Variants in NFAM1 observed in about 807,000 individuals in gnomAD.
NFAM1 encodes NFAT activation molecule 1.
Under a neutral mutation model 29.0 loss-of-function variants are expected in NFAM1, and 17 were observed. The observed-to-expected ratio is 0.59, with a 90% CI of 0.40 to 0.88. The LOEUF is 0.88. Ranked by LOEUF, NFAM1 falls within the 40% of genes least tolerant of loss-of-function variation. The pLI is 0.00. For synonymous variants in NFAM1, 175 were observed against 147.2 expected, an observed-to-expected ratio of 1.19 and a Z score of -1.36; for missense variants, 324 against 344.6, an observed-to-expected ratio of 0.94 and a Z score of 0.47.
At chr22:42,398,224 C>T (rs2076089) in intron 3 of NFAM1, among the ~76,000 whole-genome samples, 34,794 of 152,076 alleles carry the variant, frequency 0.23, 4,907 homozygotes, top group African/African-American at 0.37. Flanking sequence ...GGGACCCAAG[C>T]TACTGGGACC....
At chr22:42,387,112 G>C in intron 4 of NFAM1, 34 bp from the exon 5 acceptor site, 2 of 1,271,172 alleles carry the variant, frequency 1.6e-6, no homozygotes, top group Non-Finnish European at 2.2e-6. Context: ...TCAGGGGCAA[G>C]TGTGTAGAGG....
upstream of NFAM1, among the ~76,000 whole-genome samples, chr22:42,434,413 G>A (rs1930891792): frequency 6.6e-6 from 1 of 152,164 alleles, no homozygotes; most frequent in South Asian, 2.1e-4. Context: ...GCAGGCCCTG[G>A]GCTGTGGAGC....
intron 1 of NFAM1, among the ~76,000 whole-genome samples, chr22:42,429,363 C>T (rs1930723166): frequency 6.6e-6 from 1 of 152,172 alleles, no homozygotes; most frequent in South Asian, 2.1e-4. Context: ...CGCCTGTAAT[C>T]CCAGCACTTT....
At chr22:42,391,703 G>A (rs990091050) in intron 4 of NFAM1, among the ~76,000 whole-genome samples, 2 of 152,030 alleles carry the variant, frequency 1.3e-5, no homozygotes, top group Non-Finnish European at 2.9e-5. Context: ...CTAGCACTTT[G>A]GGAGGCTGAG....
chr22:42,425,007 T>A (rs190079467), intron 1 of NFAM1, among the ~76,000 whole-genome samples: 52 of 152,140 alleles, frequency 3.4e-4, no homozygotes, highest in Non-Finnish European at 6.3e-4. Context: ...CAGCAAACTC[T>A]ACCTCCCAGG....
intron 1 of NFAM1, among the ~76,000 whole-genome samples, chr22:42,427,883 GGTGGGGCACGGAGCGGGGCAGTGTCT>G (rs1169856296): frequency 3.9e-5 from 6 of 152,184 alleles, no homozygotes; most frequent in Non-Finnish European, 5.9e-5. Context: ...GGGTACCTTT[GGTGGGGCACGGAGCGGGGCAGTGTCT>G]GTGGGGCGAG....
chr22:42,416,818 G>A (rs1181596788), intron 1 of NFAM1, among the ~76,000 whole-genome samples: 1 of 152,230 alleles, frequency 6.6e-6, no homozygotes, highest in Non-Finnish European at 1.5e-5. Flanking sequence ...AAGGCAGTAT[G>A]TCCCCATGGG....
At chr22:42,431,986 T>A (rs1417260056) in intron 1 of NFAM1, among the ~76,000 whole-genome samples, 1 of 151,954 alleles carries the variant, frequency 6.6e-6, no homozygotes, top group African/African-American at 2.4e-5. Flanking sequence ...GCCAGACTGC[T>A]GGGGCAAAGC....
intron 1 of NFAM1, among the ~76,000 whole-genome samples, chr22:42,423,569 A>C (rs1277173608): frequency 2.6e-5 from 4 of 152,008 alleles, no homozygotes; most frequent in East Asian, 1.9e-4. Context: ...AAATAAATAA[A>C]ATTAGCTGGG....
At chr22:42,413,174 T>C (rs531243259) in intron 1 of NFAM1, among the ~76,000 whole-genome samples, 1 of 152,178 alleles carries the variant, frequency 6.6e-6, no homozygotes, top group Admixed American at 6.5e-5. Context: ...GCCAAGAACA[T>C]GCAGGCCGGA....
chr22:42,421,700 C>CA (rs1305418797), intron 1 of NFAM1, among the ~76,000 whole-genome samples: 4 of 152,192 alleles, frequency 2.6e-5, no homozygotes, highest in Admixed American at 6.5e-5. Flanking sequence ...CAACGCTGAT[C>CA]AAAGGTATCC....
At chr22:42,393,497 C>T (rs915723151) in intron 4 of NFAM1, among the ~76,000 whole-genome samples, 2 of 151,994 alleles carry the variant, frequency 1.3e-5, no homozygotes, top group Non-Finnish European at 2.9e-5. Flanking sequence ...CAACCTCCGC[C>T]TCCCAGGTTC....
At chr22:42,396,292 T>C (rs1230626153) in intron 4 of NFAM1, among the ~76,000 whole-genome samples, 1 of 152,180 alleles carries the variant, frequency 6.6e-6, no homozygotes, top group Non-Finnish European at 1.5e-5. Flanking sequence ...CATAGAAAGA[T>C]ATTTATTCAC....
upstream of NFAM1, chr22:42,436,856 A>T: frequency 3.1e-6 from 1 of 318,366 alleles, no homozygotes; most frequent in Non-Finnish European, 4.6e-6. Context: ...ACCTGGCTTT[A>T]ACCACTGCGC....
At chr22:42,437,249 T>C (rs992947244), upstream of NFAM1, among the ~76,000 whole-genome samples, 3 of 151,444 alleles carry the variant, frequency 2.0e-5, no homozygotes, top group African/African-American at 7.3e-5. Context: ...TTCAAGTGAT[T>C]CTCCTGTCTC....
At chr22:42,407,748 ACTGG>A (rs1224872211) in intron 3 of NFAM1, among the ~76,000 whole-genome samples, 1 of 151,892 alleles carries the variant, frequency 6.6e-6, no homozygotes, top group African/African-American at 2.4e-5. Context: ...TGCTACCATG[ACTGG>A]CTAATTTTTT....
At position 42,404,541 on chromosome 22, in the gene NFAM1, G is replaced by A. The variant is rs17003039; in HGVS notation, c.564+4894C>T. 5.5e-3 allele frequency among the ~76,000 whole-genome samples: 839 copies of A among 152,118 alleles called. 6 individuals are homozygous for A. Among genetic ancestry groups the A allele is most frequent in the African/African-American group, 0.02 (815 of 41,504 alleles). ...TCCAGCCCAGGCTCTCACATCAGCC[G>A]TTCTCCCCAGGTACAGAGGGTGTGT... On this transcript the variant is annotated intron_variant, in intron 3 of 5. Transcript: ENST00000329021.
At chr22:42,417,852 G>A (rs528180741) in intron 1 of NFAM1, among the ~76,000 whole-genome samples, 3 of 152,282 alleles carry the variant, frequency 2.0e-5, no homozygotes, top group Admixed American at 1.3e-4. Context: ...GTTGCCACAC[G>A]GTGTCTGGGA....
chr22:42,417,986 G>T (rs927646264), intron 1 of NFAM1, among the ~76,000 whole-genome samples: 6 of 152,224 alleles, frequency 3.9e-5, no homozygotes, highest in African/African-American at 1.4e-4. Context: ...GTGGATCCCT[G>T]CTTAGTCTGC....
Sources: gnomAD v4.1 joint callset for allele counts (sites outside exome capture counted in the v4.1 genomes callset) on GRCh38, gnomAD v4.1.1 for gene constraint, MANE v1.5 for transcripts, NCBI Gene and HGNC (gene_info 2026-07-23, HGNC 2026-07-21) for gene names.